The following KCNAB1 variants were observed in gnomAD, a reference collection of about 807,000 sequenced individuals.
KCNAB1 encodes the protein voltage-gated potassium channel subunit beta-1.
Under a neutral mutation model 64.6 loss-of-function variants are expected in KCNAB1, and 35 were observed. The observed-to-expected ratio is 0.54, with a 90% CI of 0.41 to 0.72. The LOEUF (loss-of-function observed/expected upper bound fraction) is 0.72, where lower values mean the gene tolerates loss of function less well. Among genes scored for constraint, KCNAB1 ranks in the 30% least tolerant of loss-of-function variants. The pLI is 0.00. For missense variants in KCNAB1, 401 were observed against 512.9 expected (o/e 0.78, Z 2.11); for synonymous variants, 177 against 183.8 (o/e 0.96, Z 0.30).
chr3:156,447,915 C>G (rs1405383523), intron 2 of KCNAB1, among the ~76,000 whole-genome samples: 1 of 152,162 alleles, frequency 6.6e-6, no homozygotes, highest in African/African-American at 2.4e-5. Flanking sequence ...ATACTCCAAG[C>G]AAGGCAGTCA....
chr3:156,524,664 G>C (rs751841853), intron 12 of KCNAB1, among the ~76,000 whole-genome samples: 4 of 145,126 alleles, frequency 2.8e-5, no homozygotes, highest in African/African-American at 1.0e-4. Flanking sequence ...GGAGAATGGC[G>C]TGAACCCGAG....
upstream of KCNAB1, among the ~76,000 whole-genome samples, chr3:156,119,863 C>T (rs1335689007): frequency 6.6e-6 from 1 of 152,120 alleles, no homozygotes; most frequent in Non-Finnish European, 1.5e-5. Flanking sequence ...CATACAGGCT[C>T]CCACCATTCC....
intron 1 of KCNAB1, chr3:156,291,460 C>A (rs1560177719): frequency 3.9e-6 from 4 of 1,029,566 alleles, no homozygotes; most frequent in Non-Finnish European, 4.7e-6. Context: ...GGTAAGCCTG[C>A]GCTGATTTGA....
At chr3:156,365,875 T>C (rs896705643) in intron 1 of KCNAB1, among the ~76,000 whole-genome samples, 8 of 152,192 alleles carry the variant, frequency 5.3e-5, no homozygotes, top group African/African-American at 1.9e-4. Context: ...AACAGGTTTT[T>C]AAAAATTGCA....
At position 156,232,910 on chromosome 3, in the gene KCNAB1, G is replaced by A. The variant is rs190100834; in HGVS notation, c.275+112024G>A. ...AGAAAGTTTTCTTTCATTTTTTTTC[G>A]CTTCCTTTCTGAATTCCTTTCCTTG... On this transcript the variant is annotated intron_variant, in intron 1 of 13. Transcript: ENST00000490337. 1.5e-3 allele frequency among the ~76,000 whole-genome samples: 220 copies of A among 150,802 alleles called. 10 individuals are homozygous for A. The East Asian group carries it at 0.019, about 13-fold the overall frequency.
chr3:156,341,343 C>T (rs1032087566), intron 1 of KCNAB1, among the ~76,000 whole-genome samples: 3 of 152,154 alleles, frequency 2.0e-5, no homozygotes, highest in East Asian at 3.8e-4. Flanking sequence ...CACATAAGCC[C>T]ATCAGATTAC....
At chr3:156,425,018 A>G (rs1286414297) in intron 2 of KCNAB1, among the ~76,000 whole-genome samples, 1 of 152,250 alleles carries the variant, frequency 6.6e-6, no homozygotes, top group African/African-American at 2.4e-5. Context: ...AACTGCCTCT[A>G]TAAGCCAGAG....
chr3:156,182,628 T>TCCCC (rs1553815355), intron 1 of KCNAB1, among the ~76,000 whole-genome samples: 5 of 143,716 alleles, frequency 3.5e-5, no homozygotes, highest in African/African-American at 1.3e-4. Flanking sequence ...TGGTTTTTTT[T>TCCCC]TCCCCCCCCC....
intron 1 of KCNAB1, among the ~76,000 whole-genome samples, chr3:156,257,974 A>G (rs1226452436): frequency 6.6e-6 from 1 of 152,234 alleles, no homozygotes; most frequent in East Asian, 1.9e-4. Context: ...AGTCTGCTAC[A>G]GCATACATCC....
intron 1 of KCNAB1, among the ~76,000 whole-genome samples, chr3:156,384,621 G>A (rs903440083): frequency 5.9e-5 from 9 of 152,234 alleles, no homozygotes; most frequent in African/African-American, 2.2e-4. Context: ...GACCTTTCTA[G>A]AGGCAGGGAT....
At chr3:156,173,877 G>C (rs1193334726) in intron 1 of KCNAB1, among the ~76,000 whole-genome samples, 1 of 152,174 alleles carries the variant, frequency 6.6e-6, no homozygotes, top group East Asian at 1.9e-4. Context: ...GACCTGAATA[G>C]AACAAAAGAT....
chr3:156,121,632 A>C (rs1482631475), intron 1 of KCNAB1, among the ~76,000 whole-genome samples: 1 of 152,236 alleles, frequency 6.6e-6, no homozygotes, highest in African/African-American at 2.4e-5. Context: ...TTTGTGCAAA[A>C]AATCTCTTAG....
intron 1 of KCNAB1, among the ~76,000 whole-genome samples, chr3:156,386,260 C>T (rs973478933): frequency 6.6e-5 from 10 of 152,324 alleles, no homozygotes; most frequent in African/African-American, 2.2e-4. Flanking sequence ...ACTTTATACG[C>T]TGGCCCCTTT....
At chr3:156,147,742 T>C (rs949155148) in intron 1 of KCNAB1, among the ~76,000 whole-genome samples, 2 of 152,144 alleles carry the variant, frequency 1.3e-5, no homozygotes, top group African/African-American at 4.8e-5. Flanking sequence ...GCCTTAAGGA[T>C]AATCTGCTCC....
chr3:156,493,544 T>TAA (rs1715792698), intron 8 of KCNAB1, among the ~76,000 whole-genome samples: 1 of 152,146 alleles, frequency 6.6e-6, no homozygotes, highest in Admixed American at 6.6e-5. Context: ...ACATCTTCTG[T>TAA]AACCATTTAG....
intron 11 of KCNAB1, among the ~76,000 whole-genome samples, chr3:156,522,181 C>G (rs1377055627): frequency 2.0e-5 from 3 of 151,270 alleles, no homozygotes; most frequent in Non-Finnish European, 2.9e-5. Context: ...AATTCTAATA[C>G]TAATAAGAAG....
At chr3:156,517,815 C>A (rs1372845205) in intron 11 of KCNAB1, among the ~76,000 whole-genome samples, 1 of 152,212 alleles carries the variant, frequency 6.6e-6, no homozygotes, top group African/African-American at 2.4e-5. Context: ...CAATAACCTG[C>A]TGAGAGGCAG....
At chr3:156,302,220 G>T (rs945412079) in intron 1 of KCNAB1, among the ~76,000 whole-genome samples, 2 of 152,098 alleles carry the variant, frequency 1.3e-5, no homozygotes, top group Non-Finnish European at 2.9e-5. Flanking sequence ...TTAAAGGACT[G>T]CTGTGATAAC....
At chr3:156,375,669 T>C (rs1376693130) in intron 1 of KCNAB1, among the ~76,000 whole-genome samples, 1 of 135,372 alleles carries the variant, frequency 7.4e-6, no homozygotes, top group East Asian at 1.9e-4. Context: ...TGAATTGATA[T>C]TAGGAAGAAA....
Sources: allele counts gnomAD v4.1 joint callset (sites outside exome capture counted in the v4.1 genomes callset), GRCh38; gene constraint gnomAD v4.1.1; transcripts MANE v1.5; gene names NCBI Gene and HGNC (gene_info 2026-07-23, HGNC 2026-07-21).